Variants in GPATCH2 observed in about 807,000 individuals in gnomAD.
GPATCH2 encodes G-patch domain containing 2.
In GPATCH2, 51 loss-of-function variants were observed where a neutral mutation model predicts 58.0. The ratio of observed to expected loss-of-function variants is 0.88; its 90% CI spans 0.70 to 1.11. The LOEUF is 1.11. GPATCH2 is among the 50% of genes most tolerant of loss of function. GPATCH2 has a pLI of 0.00. For missense variants in GPATCH2, 625 were observed against 652.2 expected (o/e 0.96, Z 0.45); for synonymous variants, 222 against 218.5 (o/e 1.02, Z -0.14).
intron 7 of GPATCH2, chr1:217,498,040 C>T (rs1216143657): frequency 4.6e-6 from 2 of 436,228 alleles, no homozygotes; most frequent in Non-Finnish European, 4.1e-6. Flanking sequence ...AGCACATGTA[C>T]TGTTTTGATA....
intron 8 of GPATCH2, among the ~76,000 whole-genome samples, chr1:217,466,295 AAAAG>A (rs1660446015): frequency 6.6e-6 from 1 of 152,200 alleles, no homozygotes; most frequent in South Asian, 2.1e-4. Flanking sequence ...CTGAAAAAAA[AAAAG>A]GAGGCAGTAT....
intron 8 of GPATCH2, among the ~76,000 whole-genome samples, chr1:217,453,312 C>T (rs866968583): frequency 2.1e-4 from 32 of 152,042 alleles, no homozygotes; most frequent in Non-Finnish European, 1.5e-4. Flanking sequence ...AGAAAAACAC[C>T]AATCAACTAG....
chr1:217,472,839 A>C (rs1386605553), intron 8 of GPATCH2, among the ~76,000 whole-genome samples: 3 of 152,222 alleles, frequency 2.0e-5, no homozygotes, highest in Non-Finnish European at 4.4e-5. Context: ...GTAGTGCTCA[A>C]GGATAAGTGG....
At chr1:217,467,859 A>G (rs1278506112) in intron 8 of GPATCH2, among the ~76,000 whole-genome samples, 1 of 152,182 alleles carries the variant, frequency 6.6e-6, no homozygotes, top group African/African-American at 2.4e-5. Flanking sequence ...AAGGTCCAAG[A>G]AAAGCCTAGA....
At chr1:217,512,670 C>G (rs1317600640) in intron 6 of GPATCH2, among the ~76,000 whole-genome samples, 1 of 152,206 alleles carries the variant, frequency 6.6e-6, no homozygotes, top group South Asian at 2.1e-4. Context: ...GAAACTGCAA[C>G]AACAAACACA....
At chr1:217,604,669 A>G (rs1014811817) in intron 5 of GPATCH2, among the ~76,000 whole-genome samples, 1 of 152,188 alleles carries the variant, frequency 6.6e-6, no homozygotes, top group African/African-American at 2.4e-5. Context: ...TTTGCTTTCT[A>G]TCATAAAAGT....
chr1:217,512,325 C>T (rs1662897610), intron 6 of GPATCH2, among the ~76,000 whole-genome samples: 1 of 151,744 alleles, frequency 6.6e-6, no homozygotes, highest in East Asian at 1.9e-4. Context: ...AAGACCCTGT[C>T]TAAAAAAATA....
chr1:217,512,234 A>G (rs1450884926), intron 6 of GPATCH2, among the ~76,000 whole-genome samples: 1 of 152,122 alleles, frequency 6.6e-6, no homozygotes, highest in Non-Finnish European at 1.5e-5. Flanking sequence ...AGGCCAGGGG[A>G]TCACGTAAGC....
intron 3 of GPATCH2, among the ~76,000 whole-genome samples, chr1:217,613,529 T>A (rs1346456837): frequency 6.6e-6 from 1 of 152,104 alleles, no homozygotes; most frequent in Admixed American, 6.5e-5. Context: ...ATGAAATTAA[T>A]CCTATTAAGG....
At chr1:217,446,402 A>AG (rs1033293670) in intron 9 of GPATCH2, among the ~76,000 whole-genome samples, 3 of 152,156 alleles carry the variant, frequency 2.0e-5, no homozygotes, top group African/African-American at 7.2e-5. Flanking sequence ...AAGATGATCT[A>AG]GGATTCATGC....
At chr1:217,478,117 A>G (rs1412290640) in intron 8 of GPATCH2, among the ~76,000 whole-genome samples, 1 of 152,236 alleles carries the variant, frequency 6.6e-6, no homozygotes, top group Non-Finnish European at 1.5e-5. Context: ...CGCCTAAAGC[A>G]GATACAGCTT....
intron 3 of GPATCH2, among the ~76,000 whole-genome samples, chr1:217,613,178 G>GT (rs1009226294): frequency 1.3e-5 from 2 of 151,898 alleles, no homozygotes; most frequent in African/African-American, 4.8e-5. Flanking sequence ...TTTCAGCAAA[G>GT]TATCAACTTT....
chr1:217,529,076 C>T (rs187410255), intron 5 of GPATCH2, among the ~76,000 whole-genome samples: 1 of 152,026 alleles, frequency 6.6e-6, no homozygotes, highest in South Asian at 2.1e-4. Flanking sequence ...AAAAGATTCC[C>T]CTATAATTAC....
intron 8 of GPATCH2, among the ~76,000 whole-genome samples, chr1:217,467,503 T>C (rs1660518212): frequency 6.6e-6 from 1 of 152,128 alleles, no homozygotes; most frequent in South Asian, 2.1e-4. Context: ...ATTTTACTGG[T>C]AGTGATGACA....
chr1:217,487,095 T>C (rs1661486872), intron 8 of GPATCH2, among the ~76,000 whole-genome samples: 2 of 152,182 alleles, frequency 1.3e-5, no homozygotes, highest in Non-Finnish European at 2.9e-5. Flanking sequence ...TATTTTATTT[T>C]CCCTCAGCCA....
chr1:217,484,648 TAC>T (rs1488345038), intron 8 of GPATCH2, among the ~76,000 whole-genome samples: 1 of 149,394 alleles, frequency 6.7e-6, no homozygotes, highest in African/African-American at 2.4e-5. Flanking sequence ...TATACATATA[TAC>T]ACACATATAC....
In GPATCH2 at chr1:217,447,857, T is replaced by C. The variant is rs571879887; in HGVS notation, c.1366+1392A>G. Among the ~76,000 whole-genome samples, 4 of 152,218 alleles carry C rather than the reference T, an allele frequency of 2.6e-5. No homozygotes were observed. In the East Asian group the frequency reaches 7.7e-4, roughly 29 times the overall value. On this transcript the variant is annotated intron_variant, in intron 9 of 9. Coordinates refer to ENST00000366935, the MANE Select transcript of GPATCH2 (RefSeq NM_018040.5). ...AGCCACCTGTAATCCCAGCACTCTG[T>C]GAGGCCGAGGTGGGCGGATCACCTG... is the stretch of plus-strand genomic sequence containing the variant.
intron 5 of GPATCH2, among the ~76,000 whole-genome samples, chr1:217,520,810 C>G (rs1663414359): frequency 6.6e-6 from 1 of 151,686 alleles, no homozygotes; most frequent in Non-Finnish European, 1.5e-5. Flanking sequence ...TAATAATATC[C>G]TTATTTTTAT....
rs578153564 is a variant in GPATCH2, at chr1:217,481,907, G to A, written c.1277+9773C>T. Among the ~76,000 whole-genome samples, 28 of 152,138 alleles carry A rather than the reference G, an allele frequency of 1.8e-4. No individual in the cohort carries two copies. The Middle Eastern group carries it at 0.014, about 74-fold the overall frequency. On this transcript the variant is annotated intron_variant, in intron 8 of 9. Transcript: ENST00000366935. ...AACAAAAAACAAAACAAAACCAAGT[G>A]CTTAGGAAACATACAGGAAAAATAG...
Sources: gnomAD v4.1 joint callset for allele counts (sites outside exome capture counted in the v4.1 genomes callset) on GRCh38, gnomAD v4.1.1 for gene constraint, MANE v1.5 for transcripts, NCBI Gene and HGNC (gene_info 2026-07-23, HGNC 2026-07-21) for gene names.